The following RAD51B variants were observed in gnomAD, a reference collection of about 807,000 sequenced individuals.
RAD51B encodes RAD51 paralog B.
A neutral mutation model predicts 42.2 loss-of-function variants in RAD51B; 38 were observed. The ratio of observed to expected loss-of-function variants is 0.90; its 90% CI spans 0.70 to 1.18. The LOEUF (loss-of-function observed/expected upper bound fraction) is 1.18. RAD51B is among the 50% of genes most tolerant of loss of function. The pLI, the probability that RAD51B is intolerant of heterozygous loss-of-function variation, is 0.00. For synonymous variants in RAD51B, 154 were observed against 145.2 expected, an observed-to-expected ratio of 1.06 and a Z score of -0.43; for missense variants, 373 against 400.7, an observed-to-expected ratio of 0.93 and a Z score of 0.59.
chr14:68,531,519 TATAAG>T (rs1433394232), intron 10 of RAD51B, among the ~76,000 whole-genome samples: 2 of 152,038 alleles, frequency 1.3e-5, no homozygotes, highest in Non-Finnish European at 2.9e-5. Context: ...TATATAATGA[TATAAG>T]AAAAGATAAT....
intron 9 of RAD51B, among the ~76,000 whole-genome samples, chr14:68,412,062 A>G (rs1436398554): frequency 1.3e-5 from 2 of 152,158 alleles, no homozygotes; most frequent in South Asian, 2.1e-4. Context: ...AGAGTTCCCT[A>G]TTTGTGGTTT....
At chr14:67,926,271 C>T (rs761477832) in intron 7 of RAD51B, among the ~76,000 whole-genome samples, 4 of 152,178 alleles carry the variant, frequency 2.6e-5, no homozygotes, top group Admixed American at 6.6e-5. Context: ...CTCTTGAATA[C>T]TTTGCTGCTT....
chr14:67,989,510 T>C (rs908896453), intron 7 of RAD51B, among the ~76,000 whole-genome samples: 3 of 151,640 alleles, frequency 2.0e-5, no homozygotes, highest in African/African-American at 7.3e-5. Context: ...TGGTGGCACA[T>C]GCCAGTAATC....
intron 11 of RAD51B, among the ~76,000 whole-genome samples, chr14:68,676,705 T>A (rs1447205485): frequency 6.6e-6 from 1 of 152,230 alleles, no homozygotes; most frequent in African/African-American, 2.4e-5. Context: ...TGCTGAGGAA[T>A]CCAGCCAGGG....
At chr14:68,495,845 C>T (rs1884471010) in intron 10 of RAD51B, among the ~76,000 whole-genome samples, 1 of 152,226 alleles carries the variant, frequency 6.6e-6, no homozygotes, top group Admixed American at 6.5e-5. Flanking sequence ...CCCCTGTGTT[C>T]TCAAGGGACC....
At chr14:67,894,727 C>T (rs1198627708) in intron 7 of RAD51B, among the ~76,000 whole-genome samples, 1 of 152,168 alleles carries the variant, frequency 6.6e-6, no homozygotes, top group East Asian at 1.9e-4. Flanking sequence ...CCTTCATAGT[C>T]TCTCGGGTAA....
chr14:68,502,249 G>A (rs2140299523), intron 10 of RAD51B, among the ~76,000 whole-genome samples: 3 of 152,348 alleles, frequency 2.0e-5, no homozygotes, highest in Middle Eastern at 6.8e-3. Flanking sequence ...AGGAGGGAGA[G>A]CCTTTGAAGC....
intron 8 of RAD51B, among the ~76,000 whole-genome samples, chr14:68,301,391 C>A (rs1489802138): frequency 3.3e-5 from 5 of 152,184 alleles, no homozygotes; most frequent in South Asian, 4.1e-4. Flanking sequence ...AGAAAACAAA[C>A]AACAGTCGAT....
intron 10 of RAD51B, among the ~76,000 whole-genome samples, chr14:68,508,474 C>T (rs181332299): frequency 9.2e-5 from 14 of 152,306 alleles, no homozygotes; most frequent in East Asian, 5.8e-4. Flanking sequence ...AGCTAGAGAC[C>T]GTTGCAGAGT....
chr14:68,419,326 A>C (rs1478958026), intron 9 of RAD51B, among the ~76,000 whole-genome samples: 2 of 152,154 alleles, frequency 1.3e-5, no homozygotes, highest in Non-Finnish European at 2.9e-5. Context: ...ATTCTAGGCA[A>C]AAAAGTCCCC....
intron 7 of RAD51B, among the ~76,000 whole-genome samples, chr14:67,982,837 G>A (rs1228459014): frequency 6.6e-6 from 1 of 152,020 alleles, no homozygotes; most frequent in Non-Finnish European, 1.5e-5. Context: ...GCTGAGGCAG[G>A]AAGATCACTT....
chr14:67,879,991 T>G (rs192416951), intron 5 of RAD51B, among the ~76,000 whole-genome samples: 38 of 152,344 alleles, frequency 2.5e-4, no homozygotes, highest in African/African-American at 8.4e-4. Flanking sequence ...CTTAGGCTCT[T>G]AATGGATATT....
At chr14:68,362,645 C>T (rs1379100136) in intron 8 of RAD51B, among the ~76,000 whole-genome samples, 12 of 152,062 alleles carry the variant, frequency 7.9e-5, no homozygotes, top group African/African-American at 2.2e-4. Context: ...ATCAGGAGAT[C>T]GAGACCATCC....
At chr14:68,502,709 G>T (rs572489222) in intron 10 of RAD51B, among the ~76,000 whole-genome samples, 1 of 152,168 alleles carries the variant, frequency 6.6e-6, no homozygotes, top group Non-Finnish European at 1.5e-5. Flanking sequence ...GGGAAGCTGT[G>T]GCCCCTTCTA....
intron 10 of RAD51B, among the ~76,000 whole-genome samples, chr14:68,650,581 G>A (rs79769103): frequency 0.056 from 8,485 of 152,236 alleles, 324 homozygotes; most frequent in Middle Eastern, 0.099. Context: ...CCAGAACCTG[G>A]GGATGAGCCA....
intron 7 of RAD51B, among the ~76,000 whole-genome samples, chr14:67,949,757 G>T (rs1424770133): frequency 6.6e-6 from 1 of 152,184 alleles, no homozygotes; most frequent in Admixed American, 6.5e-5. Context: ...AGTGAAACTT[G>T]AAAGTTGAAA....
intron 10 of RAD51B, among the ~76,000 whole-genome samples, chr14:68,603,635 G>A (rs1334355560): frequency 6.6e-6 from 1 of 152,134 alleles, no homozygotes; most frequent in African/African-American, 2.4e-5. Context: ...GTCATAAAAG[G>A]CCAAGTTAAC....
In RAD51B at chr14:68,291,910, C is replaced by G. The variant is rs1487708698; in HGVS notation, c.783C>G (p.Thr261=). 20 of 1,613,618 alleles carry G rather than the reference C, an allele frequency of 1.2e-5. No individual in the cohort carries two copies. Among genetic ancestry groups the G allele is most frequent in the Non-Finnish European group, 1.7e-5 (20 of 1,179,650 alleles). Residue 261 remains threonine (T), a synonymous_variant, in exon 8 of 11, where the codon ACC becomes ACG. Coordinates refer to ENST00000471583, the MANE Select transcript of RAD51B (RefSeq NM_133510.4). ...IPVILTNQIT[T]HLSGALASQA... is the part of the protein sequence containing the mutation. ...TTATCTTGACGAATCAGATTACAAC[C>G]CATCTGAGTGGAGCCCTGGCTTCTC... is the stretch of plus-strand genomic sequence containing the variant.
intron 8 of RAD51B, among the ~76,000 whole-genome samples, chr14:68,320,591 G>A (rs2082139882): frequency 1.3e-5 from 2 of 152,174 alleles, no homozygotes; most frequent in South Asian, 2.1e-4. Flanking sequence ...CCTCCTCCCT[G>A]CTTTCCTCTT....
Sources: gnomAD v4.1 joint callset for allele counts (sites outside exome capture counted in the v4.1 genomes callset) on GRCh38, gnomAD v4.1.1 for gene constraint, MANE v1.5 for transcripts, NCBI Gene and HGNC (gene_info 2026-07-23, HGNC 2026-07-21) for gene names.